EXOC6B: variants seen among roughly 807,000 people sequenced by gnomAD.
The protein encoded by EXOC6B is SEC15 homolog B.
EXOC6B carries 54 observed loss-of-function variants against 113.5 expected under a neutral mutation model. That is an observed-to-expected ratio of 0.48 (90% CI 0.38 to 0.60). The LOEUF is 0.60. EXOC6B is among the 20% of genes least tolerant of loss of function. The pLI is 0.00. For synonymous variants in EXOC6B, 357 were observed against 339.0 expected (o/e 1.05, Z -0.58); for missense variants, 797 against 977.5 (o/e 0.82, Z 2.46).
intron 19 of EXOC6B, among the ~76,000 whole-genome samples, chr2:72,375,370 A>T (rs1288784345): frequency 6.6e-6 from 1 of 152,198 alleles, no homozygotes; most frequent in Non-Finnish European, 1.5e-5. Context: ...CATTCTTTCT[A>T]AGTGCAAATG....
At chr2:72,480,793 C>T (rs772386448) in intron 16 of EXOC6B, 43 bp from the exon 17 acceptor site, 2 of 1,561,440 alleles carry the variant, frequency 1.3e-6, no homozygotes, top group Non-Finnish European at 1.7e-6. Context: ...TAACTACTCA[C>T]CCCAGGATGA....
chr2:72,629,767 T>C (rs1253930889), intron 6 of EXOC6B, among the ~76,000 whole-genome samples: 4 of 152,200 alleles, frequency 2.6e-5, no homozygotes, highest in Non-Finnish European at 5.9e-5. Flanking sequence ...GAAGAATAGT[T>C]ACAAGAAGTG....
intron 20 of EXOC6B, among the ~76,000 whole-genome samples, chr2:72,326,817 A>G (rs191596681): frequency 1.3e-5 from 2 of 151,984 alleles, no homozygotes; most frequent in East Asian, 3.9e-4. Flanking sequence ...GCACCAACAT[A>G]ATATACTCTG....
intron 1 of EXOC6B, among the ~76,000 whole-genome samples, chr2:72,813,910 A>G (rs1686063492): frequency 1.3e-5 from 2 of 152,230 alleles, no homozygotes; most frequent in African/African-American, 4.8e-5. Flanking sequence ...AGGGAGATAC[A>G]AAGTCAAGCA....
intron 7 of EXOC6B, among the ~76,000 whole-genome samples, chr2:72,561,049 CA>C (rs538956743): frequency 1.2e-4 from 18 of 152,044 alleles, no homozygotes; most frequent in Middle Eastern, 6.8e-3. Context: ...GAAATGATCA[CA>C]ACACTAAAAC....
chr2:72,476,229 A>G (rs1331608573), intron 17 of EXOC6B, among the ~76,000 whole-genome samples: 2 of 152,220 alleles, frequency 1.3e-5, no homozygotes, highest in African/African-American at 4.8e-5. Flanking sequence ...GAAAGTTTCT[A>G]CTAACCCTTT....
intron 20 of EXOC6B, among the ~76,000 whole-genome samples, chr2:72,254,122 T>C (rs1683197964): frequency 6.6e-6 from 1 of 151,830 alleles, no homozygotes. Context: ...ATCACACCAC[T>C]GCACTCCAGG....
intron 18 of EXOC6B, among the ~76,000 whole-genome samples, chr2:72,418,472 TTGTTTTATATATGTTGA>T (rs1308436692): frequency 6.6e-6 from 1 of 152,220 alleles, no homozygotes; most frequent in African/African-American, 2.4e-5. Context: ...CTGTTAATCT[TTGTTTTATATATGTTGA>T]TGGTCTGTTA....
intron 18 of EXOC6B, among the ~76,000 whole-genome samples, chr2:72,445,467 G>T (rs1484807800): frequency 6.6e-6 from 1 of 152,018 alleles, no homozygotes; most frequent in Non-Finnish European, 1.5e-5. Flanking sequence ...TTACTGTATT[G>T]GTCTTTTTTC....
intron 20 of EXOC6B, among the ~76,000 whole-genome samples, chr2:72,328,455 AG>A (rs1688260208): frequency 6.6e-6 from 1 of 152,078 alleles, no homozygotes; most frequent in African/African-American, 2.4e-5. Flanking sequence ...TTGGAGCATC[AG>A]GCCACCTGAA....
intron 1 of EXOC6B, among the ~76,000 whole-genome samples, chr2:72,792,940 G>A (rs549413893): frequency 5.3e-5 from 8 of 152,026 alleles, no homozygotes; most frequent in Non-Finnish European, 8.8e-5. Context: ...GGGAATCAGA[G>A]GACTGCATTC....
chr2:72,672,200 C>G (rs1431129440), intron 6 of EXOC6B, among the ~76,000 whole-genome samples: 2 of 23,862 alleles, frequency 8.4e-5, no homozygotes, highest in African/African-American at 1.9e-4. Flanking sequence ...GGGTATATAT[C>G]CAAAAAAAAA....
intron 1 of EXOC6B, among the ~76,000 whole-genome samples, chr2:72,824,440 TAATA>T (rs1686779142): frequency 6.6e-6 from 1 of 152,124 alleles, no homozygotes; most frequent in Admixed American, 6.6e-5. Flanking sequence ...CCATTGCTTT[TAATA>T]AATAAAGAGA....
chr2:72,738,559 G>T (rs913907947), intron 2 of EXOC6B, among the ~76,000 whole-genome samples: 10 of 152,170 alleles, frequency 6.6e-5, no homozygotes, highest in African/African-American at 1.2e-4. Context: ...AGTTGAAACT[G>T]CAGGAAACTT....
At chr2:72,710,777 A>G (rs973264690) in intron 6 of EXOC6B, among the ~76,000 whole-genome samples, 2 of 152,212 alleles carry the variant, frequency 1.3e-5, no homozygotes, top group Non-Finnish European at 2.9e-5. Context: ...ACAGAAAGCA[A>G]AGGTTTGAAA....
chr2:72,182,219 G>C (rs1678132330), intron 21 of EXOC6B, among the ~76,000 whole-genome samples: 1 of 152,136 alleles, frequency 6.6e-6, no homozygotes, highest in Non-Finnish European at 1.5e-5. Context: ...CAACGCTCCA[G>C]AATGGTAGGG....
intron 1 of EXOC6B, among the ~76,000 whole-genome samples, chr2:72,755,530 T>C (rs1370081064): frequency 6.6e-6 from 1 of 152,094 alleles, no homozygotes; most frequent in African/African-American, 2.4e-5. Flanking sequence ...AGAGAAGCAC[T>C]AGAGTTCAAT....
At chr2:72,456,816 C>T (rs986516201) in intron 18 of EXOC6B, among the ~76,000 whole-genome samples, 4 of 152,012 alleles carry the variant, frequency 2.6e-5, no homozygotes, top group Non-Finnish European at 5.9e-5. Context: ...AAATGAATGA[C>T]ATGTCCAGCC....
intron 17 of EXOC6B, among the ~76,000 whole-genome samples, chr2:72,473,987 A>G (rs1698568348): frequency 6.6e-6 from 1 of 151,544 alleles, no homozygotes; most frequent in South Asian, 2.1e-4. Context: ...TATGAGAAAG[A>G]TTGTATTTCT....
Sources: allele counts gnomAD v4.1 joint callset (sites outside exome capture counted in the v4.1 genomes callset), GRCh38; gene constraint gnomAD v4.1.1; transcripts MANE v1.5; gene names NCBI Gene and HGNC (gene_info 2026-07-23, HGNC 2026-07-21).